The following FBXO34 variants were observed in gnomAD, a reference collection of about 807,000 sequenced individuals.
FBXO34 encodes F-box protein 34.
In FBXO34, 12 loss-of-function variants were observed where a neutral mutation model predicts 24.5. The observed-to-expected ratio is 0.49, with a 90% confidence interval of 0.31 to 0.79. The LOEUF (loss-of-function observed/expected upper bound fraction) is 0.79, where lower values mean the gene tolerates loss of function less well. Among genes scored for constraint, FBXO34 ranks in the 30% least tolerant of loss-of-function variants. FBXO34 has a pLI of 0.04. For synonymous variants in FBXO34, 320 were observed against 311.9 expected, an observed-to-expected ratio of 1.03 and a Z score of -0.27; for missense variants, 823 against 857.7, an observed-to-expected ratio of 0.96 and a Z score of 0.51.
intron 1 of FBXO34, chr14:55,282,195 A>G (rs1345944736): frequency 5.1e-6 from 1 of 197,184 alleles, no homozygotes; most frequent in Non-Finnish European, 1.1e-5. Context: ...GGGTTTCTCC[A>G]TGTTGGCCAA....
chr14:55,348,680 G>A (rs1230119761), intron 1 of FBXO34, among the ~76,000 whole-genome samples: 1 of 152,066 alleles, frequency 6.6e-6, no homozygotes, highest in African/African-American at 2.4e-5. Context: ...CTATTTCAGG[G>A]GTAACTTTTA....
chr14:55,322,413 A>G (rs1010518193), intron 1 of FBXO34, among the ~76,000 whole-genome samples: 1 of 152,146 alleles, frequency 6.6e-6, no homozygotes, highest in African/African-American at 2.4e-5. Context: ...TTTTACACCA[A>G]TAGCAGCATT....
chr14:55,318,590 C>T (rs1282684406), intron 1 of FBXO34, among the ~76,000 whole-genome samples: 2 of 150,380 alleles, frequency 1.3e-5, no homozygotes, highest in African/African-American at 4.9e-5. Flanking sequence ...GTCTCAAACT[C>T]CTGGCCTCAA....
At chr14:55,383,585 C>A in the FBXO34 span, among the ~76,000 whole-genome samples, 17 of 148,372 alleles carry the variant, frequency 1.1e-4, no homozygotes, top group African/African-American at 2.7e-4. Context: ...ACAACAACAA[C>A]AACAAAAAAA....
intron 1 of FBXO34, among the ~76,000 whole-genome samples, chr14:55,318,422 A>T (rs1883013371): frequency 1.7e-4 from 6 of 35,068 alleles, no homozygotes; most frequent in African/African-American, 4.1e-4. Context: ...GCAGTCAGTA[A>T]CTTTTTTTTT....
intron 1 of FBXO34, among the ~76,000 whole-genome samples, chr14:55,331,338 TTC>T (rs1189775696): frequency 6.6e-6 from 1 of 152,032 alleles, no homozygotes; most frequent in Non-Finnish European, 1.5e-5. Flanking sequence ...ACTGAATAAT[TTC>T]TGTTCTGGAG....
At chr14:55,335,859 A>C (rs192229446) in intron 1 of FBXO34, among the ~76,000 whole-genome samples, 1 of 152,218 alleles carries the variant, frequency 6.6e-6, no homozygotes, top group Admixed American at 6.5e-5. Context: ...GTATAACTAC[A>C]TGCCAACTGT....
At chr14:55,393,886 T>C in the FBXO34 span, among the ~76,000 whole-genome samples, 1 of 152,036 alleles carries the variant, frequency 6.6e-6, no homozygotes, top group Non-Finnish European at 1.5e-5. Context: ...TTAAAATACA[T>C]AAATGAAATC....
intron 1 of FBXO34, chr14:55,299,292 T>C: frequency 1.4e-6 from 1 of 730,392 alleles, no homozygotes; most frequent in Non-Finnish European, 2.5e-6. Context: ...ATGGATGTGG[T>C]GCAGGCAGGT....
At chr14:55,366,626 G>C (rs1228995745), downstream of FBXO34, 1 of 126,914 alleles carries the variant, frequency 7.9e-6, no homozygotes, top group Non-Finnish European at 1.6e-5. Context: ...CCCCCTTACA[G>C]ATGTGCAAAA....
At chr14:55,398,853 CA>C in the FBXO34 span, among the ~76,000 whole-genome samples, 241 of 130,658 alleles carry the variant, frequency 1.8e-3, no homozygotes, top group African/African-American at 5.1e-3. Flanking sequence ...AGGGCATGGA[CA>C]AAAAAAAAAA....
chr14:55,395,729 A>G, the FBXO34 span, among the ~76,000 whole-genome samples: 3 of 152,354 alleles, frequency 2.0e-5, no homozygotes, highest in Admixed American at 2.0e-4. Flanking sequence ...GTCAGGTTTC[A>G]TAATTATCCT....
the FBXO34 span, among the ~76,000 whole-genome samples, chr14:55,416,446 A>T: frequency 1.3e-5 from 2 of 152,196 alleles, no homozygotes; most frequent in African/African-American, 2.4e-5. Context: ...AAGGAAAAAA[A>T]TAAAAAGAGA....
chr14:55,440,401 C>T, the FBXO34 span: 3 of 1,612,848 alleles, frequency 1.9e-6, no homozygotes, highest in Non-Finnish European at 2.5e-6. Context: ...CTCACCTGAG[C>T]GGCGCACTGG....
chr14:55,393,206 C>A, the FBXO34 span, among the ~76,000 whole-genome samples: 1 of 142,284 alleles, frequency 7.0e-6, no homozygotes, highest in African/African-American at 2.5e-5. Flanking sequence ...ACGGTGAAAC[C>A]CCGTCTCTAC....
the FBXO34 span, among the ~76,000 whole-genome samples, chr14:55,385,538 C>G: frequency 6.6e-6 from 1 of 152,306 alleles, no homozygotes; most frequent in South Asian, 2.1e-4. Context: ...GGTGATTCGC[C>G]TGCCTCGGCC....
chr14:55,431,258 C>T, the FBXO34 span, among the ~76,000 whole-genome samples: 45,708 of 152,114 alleles, frequency 0.3, 9,409 homozygotes, highest in African/African-American at 0.6. Flanking sequence ...AAAAGTATCT[C>T]TTATTATCTG....
At chr14:55,283,746 C>T (rs1299150454) in intron 1 of FBXO34, among the ~76,000 whole-genome samples, 1 of 152,132 alleles carries the variant, frequency 6.6e-6, no homozygotes, top group African/African-American at 2.4e-5. Context: ...GGCACGTGAG[C>T]CACCATGCCC....
the FBXO34 span, among the ~76,000 whole-genome samples, chr14:55,416,096 G>T: frequency 2.0e-5 from 3 of 152,104 alleles, no homozygotes; most frequent in Non-Finnish European, 4.4e-5. Flanking sequence ...AGAGGGGAAT[G>T]GGGGGAATGG....
Sources: gnomAD v4.1 joint callset for allele counts (sites outside exome capture counted in the v4.1 genomes callset) on GRCh38, gnomAD v4.1.1 for gene constraint, MANE v1.5 for transcripts, NCBI Gene and HGNC (gene_info 2026-07-23, HGNC 2026-07-21) for gene names.